HS3ST5: variants seen among roughly 807,000 people sequenced by gnomAD.
HS3ST5 encodes the protein heparan sulfate-glucosamine 3-sulfotransferase 5, also known as heparan sulfate glucosamine 3-O-sulfotransferase 5.
In HS3ST5, 10 loss-of-function variants were observed where a neutral mutation model predicts 25.4. That is an observed-to-expected ratio of 0.39 (90% CI 0.24 to 0.67). The LOEUF (loss-of-function observed/expected upper bound fraction) is 0.67. Ranked by LOEUF, HS3ST5 falls within the 30% of genes least tolerant of loss-of-function variation. The pLI, the probability that HS3ST5 is intolerant of heterozygous loss-of-function variation, is 0.44. For missense variants in HS3ST5, 324 were observed against 420.7 expected (o/e 0.77, Z 2.01); for synonymous variants, 170 against 162.4 (o/e 1.05, Z -0.36).
At chr6:114,323,656 G>T (rs912444787) in intron 1 of HS3ST5, among the ~76,000 whole-genome samples, 3 of 152,074 alleles carry the variant, frequency 2.0e-5, no homozygotes, top group Admixed American at 6.6e-5. Context: ...GCATGTTACG[G>T]GTTTAATATG....
intron 3 of HS3ST5, among the ~76,000 whole-genome samples, chr6:114,151,936 TA>T (rs983062317): frequency 6.6e-5 from 10 of 152,198 alleles, no homozygotes; most frequent in Non-Finnish European, 1.2e-4. Flanking sequence ...TATTTTATTT[TA>T]TTTTTTTTAA....
At chr6:114,289,257 C>A (rs958654035) in intron 1 of HS3ST5, among the ~76,000 whole-genome samples, 1 of 151,996 alleles carries the variant, frequency 6.6e-6, no homozygotes, top group African/African-American at 2.4e-5. Flanking sequence ...AAATAATACA[C>A]ATTGGATACT....
At chr6:114,133,069 C>A (rs545797897) in intron 3 of HS3ST5, among the ~76,000 whole-genome samples, 15 of 152,252 alleles carry the variant, frequency 9.9e-5, no homozygotes, top group South Asian at 8.3e-4. Flanking sequence ...CCTCTTACCC[C>A]CTATTTGTCA....
chr6:114,312,772 A>G (rs1306841721), intron 1 of HS3ST5, among the ~76,000 whole-genome samples: 4 of 151,944 alleles, frequency 2.6e-5, no homozygotes, highest in Admixed American at 6.6e-5. Context: ...GCTCATACCT[A>G]TAATCCCAGC....
intron 3 of HS3ST5, among the ~76,000 whole-genome samples, chr6:114,148,871 A>G (rs1045113292): frequency 5.9e-5 from 9 of 152,236 alleles, no homozygotes; most frequent in African/African-American, 2.2e-4. Flanking sequence ...AGAATCTACA[A>G]GGAACTTAAA....
intron 1 of HS3ST5, among the ~76,000 whole-genome samples, chr6:114,302,705 C>T (rs1348459572): frequency 6.6e-6 from 1 of 152,150 alleles, no homozygotes; most frequent in African/African-American, 2.4e-5. Context: ...TCTCCTTTCT[C>T]GTCTTCATTC....
chr6:114,304,361 C>A (rs533882997), intron 1 of HS3ST5, among the ~76,000 whole-genome samples: 33 of 152,176 alleles, frequency 2.2e-4, no homozygotes, highest in African/African-American at 7.2e-4. Flanking sequence ...TAAAGGGCTA[C>A]CACAGAAATA....
intron 2 of HS3ST5, among the ~76,000 whole-genome samples, chr6:114,191,879 G>A (rs1780520574): frequency 6.6e-6 from 1 of 152,104 alleles, no homozygotes; most frequent in South Asian, 2.1e-4. Flanking sequence ...TGATCATGAA[G>A]ACATATGTAT....
At chr6:114,145,056 CCA>C (rs1778087223) in intron 3 of HS3ST5, among the ~76,000 whole-genome samples, 1 of 152,178 alleles carries the variant, frequency 6.6e-6, no homozygotes, top group African/African-American at 2.4e-5. Flanking sequence ...TCCAGTTCCT[CCA>C]CTCTCTGTTG....
At position 114,277,166 on chromosome 6, in the gene HS3ST5, T is replaced by G. The variant is rs118094220; in HGVS notation, c.-338-48388A>C. ...GTTTTTCAGGTTAACGTTTCAAATA[T>G]TTGCAGAATCACTTCCTCCTCTATA... On this transcript the variant is annotated intron_variant, in intron 1 of 4. Transcript: ENST00000312719. Among the ~76,000 whole-genome samples, 42 of 151,916 alleles carry G rather than the reference T, an allele frequency of 2.8e-4. No individual in the cohort carries two copies. In the East Asian group the frequency reaches 8.2e-3, roughly 30 times the overall value.
At chr6:114,292,938 T>A (rs189009378) in intron 1 of HS3ST5, among the ~76,000 whole-genome samples, 2 of 141,870 alleles carry the variant, frequency 1.4e-5, no homozygotes, top group Admixed American at 1.4e-4. Context: ...CTATTTTTTG[T>A]TTTTTTTTTT....
chr6:114,161,900 A>G (rs1049132145), intron 3 of HS3ST5, among the ~76,000 whole-genome samples: 1 of 151,988 alleles, frequency 6.6e-6, no homozygotes, highest in East Asian at 1.9e-4. Flanking sequence ...GGAAAATCAT[A>G]TTAACATATT....
At chr6:114,242,132 G>A (rs1772156943) in intron 1 of HS3ST5, among the ~76,000 whole-genome samples, 1 of 152,182 alleles carries the variant, frequency 6.6e-6, no homozygotes, top group South Asian at 2.1e-4. Flanking sequence ...CACTTGAAAT[G>A]TGACTAGTCC....
intron 3 of HS3ST5, among the ~76,000 whole-genome samples, chr6:114,082,983 C>T (rs1774545961): frequency 6.6e-6 from 1 of 152,330 alleles, no homozygotes; most frequent in Non-Finnish European, 1.5e-5. Flanking sequence ...CTCACCATTG[C>T]TCCATCTGTA....
intron 3 of HS3ST5, among the ~76,000 whole-genome samples, chr6:114,144,597 A>T (rs1186418241): frequency 1.3e-5 from 2 of 152,192 alleles, no homozygotes; most frequent in African/African-American, 4.8e-5. Context: ...TACAGGACAT[A>T]AGCAGAAACA....
intron 1 of HS3ST5, among the ~76,000 whole-genome samples, chr6:114,326,800 T>C (rs1399845293): frequency 6.6e-6 from 1 of 152,146 alleles, no homozygotes; most frequent in Non-Finnish European, 1.5e-5. Flanking sequence ...AATTTGTCAA[T>C]GCCCTTGAAT....
intron 3 of HS3ST5, among the ~76,000 whole-genome samples, chr6:114,074,165 G>T (rs1407391189): frequency 1.3e-5 from 2 of 151,910 alleles, no homozygotes; most frequent in Non-Finnish European, 2.9e-5. Context: ...GCTGGGGGAG[G>T]GATAGCATTA....
At chr6:114,169,392 C>A (rs7751951) in intron 2 of HS3ST5, among the ~76,000 whole-genome samples, 20 of 151,956 alleles carry the variant, frequency 1.3e-4, no homozygotes, top group African/African-American at 4.4e-4. Context: ...ACTGTGTCTC[C>A]TCTCTGATTA....
intron 2 of HS3ST5, among the ~76,000 whole-genome samples, chr6:114,224,616 A>G (rs1782198878): frequency 6.6e-6 from 1 of 151,190 alleles, no homozygotes; most frequent in Non-Finnish European, 1.5e-5. Flanking sequence ...TGTGAGTTTG[A>G]AAAATATTCA....
Sources: gnomAD v4.1 joint callset for allele counts (sites outside exome capture counted in the v4.1 genomes callset) on GRCh38, gnomAD v4.1.1 for gene constraint, MANE v1.5 for transcripts, NCBI Gene and HGNC (gene_info 2026-07-23, HGNC 2026-07-21) for gene names.